LRRC4C: variants seen among roughly 807,000 people sequenced by gnomAD.
The protein encoded by LRRC4C is leucine-rich repeat-containing protein 4C.
In LRRC4C, 5 loss-of-function variants were observed where a neutral mutation model predicts 33.6. The observed-to-expected ratio is 0.15, with a 90% CI of 0.08 to 0.31. The LOEUF (loss-of-function observed/expected upper bound fraction) is 0.31, where lower values mean the gene tolerates loss of function less well. LRRC4C is among the 10% of genes least tolerant of loss of function. LRRC4C has a pLI of 1.00. For missense variants in LRRC4C, 560 were observed against 796.7 expected (o/e 0.70, Z 3.58); for synonymous variants, 329 against 302.0 (o/e 1.09, Z -0.93).
At chr11:41,441,693 G>C (rs1221673711) in intron 1 of LRRC4C, among the ~76,000 whole-genome samples, 1 of 149,192 alleles carries the variant, frequency 6.7e-6, no homozygotes, top group South Asian at 2.1e-4. Context: ...ATGTAGAGAA[G>C]ATGGCAAGAA....
At chr11:40,682,429 C>G (rs868532038) in intron 2 of LRRC4C, among the ~76,000 whole-genome samples, 2 of 152,128 alleles carry the variant, frequency 1.3e-5, no homozygotes, top group South Asian at 4.1e-4. Context: ...CTCATACCAA[C>G]AGTATGGGCC....
At chr11:41,223,217 A>G (rs1947384991) in intron 1 of LRRC4C, among the ~76,000 whole-genome samples, 1 of 152,178 alleles carries the variant, frequency 6.6e-6, no homozygotes, top group South Asian at 2.1e-4. Flanking sequence ...TCATTGTTCT[A>G]TAGGCTATGA....
At chr11:40,969,789 T>G (rs535956967) in intron 1 of LRRC4C, among the ~76,000 whole-genome samples, 1 of 152,310 alleles carries the variant, frequency 6.6e-6, no homozygotes, top group Non-Finnish European at 1.5e-5. Flanking sequence ...GTGACTCCCA[T>G]TATTGCAATA....
At chr11:40,513,111 C>T (rs1303164747) in intron 3 of LRRC4C, among the ~76,000 whole-genome samples, 3 of 151,568 alleles carry the variant, frequency 2.0e-5, no homozygotes, top group African/African-American at 2.4e-5. Context: ...TAGCCAGGCG[C>T]GGTGGCATGC....
chr11:40,697,543 T>A (rs1040292666), intron 2 of LRRC4C, among the ~76,000 whole-genome samples: 1 of 152,222 alleles, frequency 6.6e-6, no homozygotes, highest in Non-Finnish European at 1.5e-5. Flanking sequence ...TTGAGATGTC[T>A]GTTAATGATG....
intron 1 of LRRC4C, among the ~76,000 whole-genome samples, chr11:41,455,250 C>T (rs1402325225): frequency 6.6e-6 from 1 of 152,068 alleles, no homozygotes; most frequent in African/African-American, 2.4e-5. Flanking sequence ...TCAACAGCCT[C>T]ATTGTGGACT....
At chr11:40,772,695 C>A (rs1949808189) in intron 2 of LRRC4C, among the ~76,000 whole-genome samples, 1 of 152,072 alleles carries the variant, frequency 6.6e-6, no homozygotes, top group African/African-American at 2.4e-5. Flanking sequence ...AAAACACAGG[C>A]AATAATGAAT....
chr11:40,771,189 A>C (rs190039677), intron 2 of LRRC4C, among the ~76,000 whole-genome samples: 1 of 152,316 alleles, frequency 6.6e-6, no homozygotes, highest in East Asian at 1.9e-4. Flanking sequence ...TCTAGACAGA[A>C]GTTCCCAAAC....
chr11:40,380,153 C>T (rs751585043), intron 3 of LRRC4C, among the ~76,000 whole-genome samples: 1 of 151,968 alleles, frequency 6.6e-6, no homozygotes, highest in East Asian at 1.9e-4. Flanking sequence ...AAATATTTCA[C>T]GGAGGAGGCT....
chr11:40,358,108 G>A (rs1038183952), intron 3 of LRRC4C, among the ~76,000 whole-genome samples: 4 of 152,024 alleles, frequency 2.6e-5, no homozygotes, highest in African/African-American at 4.8e-5. Context: ...GTTTGAACCC[G>A]GGAGGCAGAG....
chr11:40,170,500 G>C (rs533660180), intron 5 of LRRC4C, among the ~76,000 whole-genome samples: 2 of 150,818 alleles, frequency 1.3e-5, no homozygotes, highest in East Asian at 3.9e-4. Flanking sequence ...CATTAAGAGA[G>C]AAAGAGAGAA....
intron 4 of LRRC4C, among the ~76,000 whole-genome samples, chr11:40,249,208 G>A (rs941352452): frequency 1.3e-5 from 2 of 152,002 alleles, no homozygotes; most frequent in East Asian, 3.9e-4. Flanking sequence ...GTGTGGTGGT[G>A]GGAGCCTGTA....
intron 5 of LRRC4C, among the ~76,000 whole-genome samples, chr11:40,230,225 C>A (rs143972047): frequency 3.3e-5 from 5 of 152,158 alleles, no homozygotes; most frequent in Non-Finnish European, 7.3e-5. Context: ...TTTATTATTT[C>A]GTGTTAAAGA....
intron 1 of LRRC4C, among the ~76,000 whole-genome samples, chr11:41,188,294 AT>A (rs1945785775): frequency 2.0e-5 from 3 of 152,238 alleles, no homozygotes; most frequent in South Asian, 4.1e-4. Context: ...ACATATTCTT[AT>A]TTTTTAGTTG....
At chr11:40,654,755 A>G (rs544712645) in intron 2 of LRRC4C, among the ~76,000 whole-genome samples, 25 of 152,208 alleles carry the variant, frequency 1.6e-4, no homozygotes, top group African/African-American at 5.8e-4. Context: ...AGGGGTCAGG[A>G]GGGAGTGATA....
intron 1 of LRRC4C, among the ~76,000 whole-genome samples, chr11:41,409,798 A>G (rs1240553207): frequency 6.6e-6 from 1 of 152,224 alleles, no homozygotes; most frequent in Admixed American, 6.5e-5. Context: ...TTTGGTAGAT[A>G]TGACTGACCC....
intron 3 of LRRC4C, among the ~76,000 whole-genome samples, chr11:40,321,296 G>C (rs1042442926): frequency 2.6e-5 from 4 of 152,082 alleles, no homozygotes; most frequent in African/African-American, 9.7e-5. Context: ...AAAACTGAAG[G>C]GTTGAGTGAT....
intron 1 of LRRC4C, among the ~76,000 whole-genome samples, chr11:40,961,074 C>T (rs948189882): frequency 2.0e-5 from 3 of 151,618 alleles, no homozygotes; most frequent in African/African-American, 4.8e-5. Context: ...TTTCACAAGG[C>T]CATCCTCTGT....
chr11:40,354,675 G>A (rs1229636288), intron 3 of LRRC4C, among the ~76,000 whole-genome samples: 1 of 152,052 alleles, frequency 6.6e-6, no homozygotes, highest in Admixed American at 6.6e-5. Flanking sequence ...AAGGCCCAAG[G>A]GCTCTTTAAT....
Sources: allele counts gnomAD v4.1 joint callset (sites outside exome capture counted in the v4.1 genomes callset), GRCh38; gene constraint gnomAD v4.1.1; transcripts MANE v1.5; gene names NCBI Gene and HGNC (gene_info 2026-07-23, HGNC 2026-07-21).